Variants in C16orf74 observed in about 807,000 individuals in gnomAD.
C16orf74 encodes uncharacterized protein C16orf74.
In C16orf74, 10 loss-of-function variants were observed where a neutral mutation model predicts 6.5. The observed-to-expected ratio is 1.54, with a 90% CI of 0.95 to 2.61. The LOEUF (loss-of-function observed/expected upper bound fraction) is 2.61. Among genes scored for constraint, C16orf74 ranks in the 30% most tolerant of loss-of-function variants. C16orf74 has a pLI of 0.00. For synonymous variants in C16orf74, 60 were observed against 42.5 expected (o/e 1.41, Z -1.60); for missense variants, 141 against 105.9 (o/e 1.33, Z -1.45).
In C16orf74 at chr16:85,718,343, G is replaced by A. The variant is rs80152280; in HGVS notation, c.29-8036C>T. Among the ~76,000 whole-genome samples the A allele has an allele frequency of 9.6e-3, 1,457 of 152,328 alleles. 6 individuals carry two copies. The highest frequency in any genetic ancestry group is 0.014 in the Non-Finnish European group (922 of 68,028). ...GGCCTCCCAAAGTCCTGGGGTTACA[G>A]GTATAAGCCACCCCATACGGCCTGA... On this transcript the variant is annotated intron_variant, in intron 2 of 3. Coordinates refer to ENST00000284245, the MANE Select transcript of C16orf74 (RefSeq NM_206967.3).
intron 1 of C16orf74, among the ~76,000 whole-genome samples, chr16:85,736,496 A>G (rs911633681): frequency 6.6e-6 from 1 of 152,120 alleles, no homozygotes; most frequent in Non-Finnish European, 1.5e-5. Context: ...GAGGAGAAGG[A>G]GCTGGAAGTC....
intron 3 of C16orf74, among the ~76,000 whole-genome samples, chr16:85,709,812 C>A (rs1382822355): frequency 6.6e-6 from 1 of 152,248 alleles, no homozygotes. Flanking sequence ...ACTGCAGCGG[C>A]CAACAAGATG....
chr16:85,748,940 T>TA (rs1288074862), intron 1 of C16orf74, among the ~76,000 whole-genome samples: 5,680 of 127,720 alleles, frequency 0.044, 340 homozygotes, highest in African/African-American at 0.14. Context: ...TTTTTTTTTT[T>TA]TTTTTTTATT....
At chr16:85,728,027 G>T (rs375349938) in intron 2 of C16orf74, among the ~76,000 whole-genome samples, 23 of 148,950 alleles carry the variant, frequency 1.5e-4, no homozygotes, top group African/African-American at 5.0e-4. Context: ...TACTCCAGCT[G>T]CTTGGGAGGC....
intron 3 of C16orf74, 71 bp from the exon 4 acceptor site, chr16:85,708,137 A>G: frequency 7.6e-7 from 1 of 1,321,658 alleles, no homozygotes; most frequent in Non-Finnish European, 1.1e-6. Flanking sequence ...TTCCCTGGGA[A>G]CTGCAGGGCT....
intron 2 of C16orf74, among the ~76,000 whole-genome samples, chr16:85,718,451 G>T (rs1368693402): frequency 1.3e-5 from 2 of 152,160 alleles, no homozygotes; most frequent in African/African-American, 4.8e-5. Flanking sequence ...CTTCCCCAAG[G>T]CACCATCACA....
intron 2 of C16orf74, among the ~76,000 whole-genome samples, chr16:85,726,432 C>T (rs1020393782): frequency 2.0e-5 from 3 of 152,152 alleles, no homozygotes; most frequent in Non-Finnish European, 2.9e-5. Context: ...GGCTCCTGTT[C>T]GCAGCTTGGG....
intron 1 of C16orf74, among the ~76,000 whole-genome samples, chr16:85,737,179 T>G (rs2054254127): frequency 6.6e-6 from 1 of 152,162 alleles, no homozygotes; most frequent in Non-Finnish European, 1.5e-5. Context: ...CTGTCCCTCC[T>G]GACAGAGAGG....
chr16:85,735,125 C>G, intron 2 of C16orf74, 65 bp downstream of exon 2: 1 of 1,486,602 alleles, frequency 6.7e-7, no homozygotes, highest in African/African-American at 1.4e-5. Context: ...TCCCCTCTCT[C>G]CTGCCCCCCA....
intron 3 of C16orf74, 28 bp downstream of exon 3, chr16:85,710,136 G>C: frequency 7.2e-7 from 1 of 1,396,940 alleles, no homozygotes; most frequent in Non-Finnish European, 9.3e-7. Flanking sequence ...CAGCCGACCC[G>C]GCTTGGCGGT....
At chr16:85,721,758 G>T (rs1172259097) in intron 2 of C16orf74, among the ~76,000 whole-genome samples, 1 of 152,164 alleles carries the variant, frequency 6.6e-6, no homozygotes, top group Admixed American at 6.5e-5. Flanking sequence ...GCATGGAGCT[G>T]CTGGCTTCCT....
chr16:85,732,840 C>T (rs72803073), intron 2 of C16orf74, among the ~76,000 whole-genome samples: 27,513 of 152,010 alleles, frequency 0.18, 3,120 homozygotes, highest in Middle Eastern at 0.32. Flanking sequence ...AAGCCACACT[C>T]GGGACAGGCG....
At chr16:85,708,912 G>C (rs1015280998) in intron 3 of C16orf74, among the ~76,000 whole-genome samples, 1 of 152,226 alleles carries the variant, frequency 6.6e-6, no homozygotes, top group African/African-American at 2.4e-5. Flanking sequence ...TGTCATGATG[G>C]CTGTCAGCTA....
At chr16:85,724,965 C>T (rs2054118710) in intron 2 of C16orf74, among the ~76,000 whole-genome samples, 1 of 152,130 alleles carries the variant, frequency 6.6e-6, no homozygotes, top group Non-Finnish European at 1.5e-5. Context: ...CTGACCTTCC[C>T]AGGCACGGCT....
At chr16:85,750,321 G>A (rs865841539) in intron 1 of C16orf74, among the ~76,000 whole-genome samples, 1 of 151,886 alleles carries the variant, frequency 6.6e-6, no homozygotes, top group Non-Finnish European at 1.5e-5. Flanking sequence ...GCCTATCCCT[G>A]GGGGGAGCTG....
intron 1 of C16orf74, chr16:85,741,741 C>G (rs1567812971): frequency 2.4e-5 from 4 of 168,892 alleles, no homozygotes; most frequent in Admixed American, 6.5e-5. Context: ...CCACCTCAAG[C>G]AGGTCATTTC....
At chr16:85,716,377 G>A (rs1311808041) in intron 2 of C16orf74, among the ~76,000 whole-genome samples, 12 of 143,870 alleles carry the variant, frequency 8.3e-5, no homozygotes, top group Non-Finnish European at 1.2e-4. Flanking sequence ...AGGGAAGGAG[G>A]AGAGAGGAGA....
At chr16:85,735,105 G>T in intron 2 of C16orf74, 85 bp downstream of exon 2, 2 of 1,216,832 alleles carry the variant, frequency 1.6e-6, no homozygotes, top group Non-Finnish European at 2.3e-6. Flanking sequence ...GCAGGGCAGA[G>T]GGCTTCAACT....
At chr16:85,750,468 C>T (rs1469634344) in intron 1 of C16orf74, among the ~76,000 whole-genome samples, 1 of 152,208 alleles carries the variant, frequency 6.6e-6, no homozygotes, top group Non-Finnish European at 1.5e-5. Context: ...CAGGGGGGCC[C>T]CTAAGTGAGG....
Sources: gnomAD v4.1 joint callset for allele counts (sites outside exome capture counted in the v4.1 genomes callset) on GRCh38, gnomAD v4.1.1 for gene constraint, MANE v1.5 for transcripts, NCBI Gene and HGNC (gene_info 2026-07-23, HGNC 2026-07-21) for gene names.